The following ST6GALNAC4 variants were observed in gnomAD, a reference collection of about 807,000 sequenced individuals.
ST6GALNAC4 encodes ST6 N-acetylgalactosaminide alpha-2,6-sialyltransferase 4.
Under a neutral mutation model 30.4 loss-of-function variants are expected in ST6GALNAC4, and 24 were observed. The observed-to-expected ratio is 0.79, with a 90% confidence interval of 0.57 to 1.11. The LOEUF (loss-of-function observed/expected upper bound fraction) is 1.11, where lower values mean the gene tolerates loss of function less well. Among genes scored for constraint, ST6GALNAC4 ranks in the 50% most tolerant of loss-of-function variants. ST6GALNAC4 has a pLI of 0.00. For missense variants in ST6GALNAC4, 365 were observed against 430.1 expected (o/e 0.85, Z 1.34); for synonymous variants, 156 against 179.7 (o/e 0.87, Z 1.05).
intron 4 of ST6GALNAC4, among the ~76,000 whole-genome samples, chr9:127,910,895 C>A (rs1328532157): frequency 6.6e-6 from 1 of 152,160 alleles, no homozygotes; most frequent in Admixed American, 6.6e-5. Flanking sequence ...AGGGTGACAC[C>A]TGCTGCCAAG....
intron 5 of ST6GALNAC4, among the ~76,000 whole-genome samples, chr9:127,909,367 C>T (rs1056653350): frequency 3.5e-5 from 5 of 144,800 alleles, no homozygotes; most frequent in African/African-American, 1.3e-4. Flanking sequence ...CCAGCCTGGG[C>T]AACAAGAGCA....
intron 3 of ST6GALNAC4, among the ~76,000 whole-genome samples, chr9:127,913,648 G>A (rs1018450726): frequency 8.6e-5 from 13 of 151,776 alleles, no homozygotes; most frequent in African/African-American, 3.2e-4. Context: ...ACAACATCTG[G>A]CCGGGCACGG....
chr9:127,909,072 C>T (rs566467959), intron 5 of ST6GALNAC4, among the ~76,000 whole-genome samples: 19 of 152,096 alleles, frequency 1.2e-4, no homozygotes, highest in Non-Finnish European at 2.5e-4. Context: ...GTTGTGAACT[C>T]GTTAGTTTCC....
rs1281135918 is a variant in ST6GALNAC4, at chr9:127,910,034, G to A, written c.636C>T (p.Ser212=). 3.1e-6 allele frequency: 5 copies of A among 1,613,512 alleles called. No homozygotes were observed. The highest frequency in any genetic ancestry group is 4.5e-5 in the East Asian group (2 of 44,888). ...KNRRQSGSFL[S]TGWFTMILAL... is the part of the protein sequence containing the mutation. ...CGAGGATCATGGTGAACCAGCCGGT[G>A]CTGAGGAAGGAGCCCGACTGCCTCC... The change falls in exon 5 of 6, where the codon AGC becomes AGT. Residue 212 remains serine, a synonymous_variant. Coordinates refer to ENST00000335791, the MANE Select transcript of ST6GALNAC4 (RefSeq NM_175039.4).
intron 2 of ST6GALNAC4, 118 bp downstream of exon 2, chr9:127,916,290 T>C: frequency 1.4e-6 from 2 of 1,400,032 alleles, no homozygotes. Context: ...TCTGCCCTTC[T>C]CTGCTCAGCA....
intron 1 of ST6GALNAC4, 58 bp downstream of exon 1, chr9:127,916,768 C>T: frequency 2.2e-6 from 1 of 453,972 alleles, no homozygotes; most frequent in East Asian, 4.1e-5. Context: ...TCAAGGTCAC[C>T]CATCAGGTCT....
rs565883450 is a variant in ST6GALNAC4 at position 127,912,489 on chromosome 9, C to T, written c.390G>A (p.Pro130=). Reference sequence around the variant, plus strand: ...AGTGTGAATAGTTGCGCAGCAGCAGCGGCACGCTTGTGTGTGAGACGACAC... The same window carrying T: ...AGTGTGAATAGTTGCGCAGCAGCAGTGGCACGCTTGTGTGTGAGACGACAC... ...TLRVVSHTSV[P]LLLRNYSHYF... Residue 130 remains proline (P), a synonymous_variant, in exon 4 of 6, where the codon CCG becomes CCA. Transcript: ENST00000335791. The T allele has an allele frequency of 1.3e-5, 21 of 1,613,862 alleles. No individual in the cohort carries two copies. Among genetic ancestry groups the T allele is most frequent in the Non-Finnish European group, 1.6e-5 (19 of 1,179,834 alleles).
At chr9:127,912,194 G>A (rs1164066265) in intron 4 of ST6GALNAC4, 74 bp downstream of exon 4, 3 of 1,534,484 alleles carry the variant, frequency 2.0e-6, no homozygotes, top group Non-Finnish European at 2.6e-6. Context: ...AGCAGCCCCT[G>A]ATGGACAAGA....
intron 1 of ST6GALNAC4, 121 bp downstream of exon 1, chr9:127,916,705 C>T: frequency 1.8e-6 from 1 of 556,202 alleles, no homozygotes. Context: ...CCTGCCAACC[C>T]AATTCCCAGT....
At chr9:127,913,542 G>A (rs1277501991) in intron 3 of ST6GALNAC4, among the ~76,000 whole-genome samples, 3 of 152,156 alleles carry the variant, frequency 2.0e-5, no homozygotes, top group Non-Finnish European at 2.9e-5. Flanking sequence ...CCGAGATTGC[G>A]CCACTGTACT....
At position 127,912,558 on chromosome 9, in the gene ST6GALNAC4, G is replaced by A. The variant is rs1831102013; in HGVS notation, c.321C>T (p.Pro107=). 5 of 1,613,006 alleles carry A rather than the reference G, an allele frequency of 3.1e-6. No individual in the cohort carries two copies. Among genetic ancestry groups the A allele is most frequent in the Non-Finnish European group, 3.4e-6 (4 of 1,179,902 alleles). Residue 107 remains proline, a synonymous_variant, in exon 4 of 6, where the codon CCC becomes CCT. Coordinates refer to ENST00000335791, the MANE Select transcript of ST6GALNAC4 (RefSeq NM_175039.4). ...CCACATCCGCCTCAAAGCCCACGGT[G>A]GGCGCCTGGTTCATGCGGAACACGC... ...AECVFRMNQA[P]TVGFEADVGQ...
rs1043745320 is a variant in ST6GALNAC4 at position 127,915,951 on chromosome 9, A to C, written c.12+457T>G. On this transcript the variant is annotated intron_variant, in intron 2 of 5. Transcript: ENST00000335791. ...CAAGCTACGTCAGCTTCTAAAAATA[A>C]GTCTTTTCTGTGTGGCCAGCTGTGC... 1.7e-5 allele frequency: 3 copies of C among 174,704 alleles called. No individual in the cohort carries two copies. In the Admixed American group the frequency reaches 1.8e-4, roughly 10 times the overall value. The allele number at this position is 174,704 out of a possible 1,614,324, so 10.8% of individuals were successfully genotyped here. A position where few individuals can be genotyped will look rare whatever the true frequency, so the allele number is the denominator to read the frequency against.
chr9:127,910,228 G>T (rs1384471327), intron 4 of ST6GALNAC4, 170 bp from the exon 5 acceptor site: 1 of 1,415,538 alleles, frequency 7.1e-7, no homozygotes, highest in African/African-American at 1.4e-5. Flanking sequence ...GGCCAGCAGT[G>T]GGTGACAGGC....
At chr9:127,908,852 C>A (rs1831003753) in intron 5 of ST6GALNAC4, among the ~76,000 whole-genome samples, 3 of 152,282 alleles carry the variant, frequency 2.0e-5, no homozygotes, top group South Asian at 2.1e-4. Flanking sequence ...ATGGTCACAT[C>A]CGCCTTCCAG....
chr9:127,912,223 G>A (rs147508246), intron 4 of ST6GALNAC4, 45 bp downstream of exon 4: 38,064 of 1,564,208 alleles, frequency 0.024, 557 homozygotes, highest in South Asian at 0.038. Context: ...GAGAAGGAAG[G>A]CCCCAGCTGC....
intron 4 of ST6GALNAC4, 76 bp from the exon 5 acceptor site, chr9:127,910,134 G>T: frequency 6.5e-7 from 1 of 1,549,944 alleles, no homozygotes. Flanking sequence ...GCAGCACTTG[G>T]TACTTTGCCA....
At position 127,916,478 on chromosome 9, in the gene ST6GALNAC4, G is replaced by A; in HGVS notation, c.-59C>T. ...TGTCTCCAGGGCTGGGGCTGGGAAG[G>A]GGTGGGAGCCGGGCACCTGCCAAGA... On this transcript the variant is annotated 5_prime_UTR_variant, in exon 2 of 6. Transcript: ENST00000335791. 1 of 1,610,316 alleles carries A rather than the reference G, an allele frequency of 6.2e-7. No homozygotes were observed. The highest frequency in any genetic ancestry group is 1.3e-5 in the African/African-American group (1 of 74,982).
chr9:127,909,216 C>G (rs540080104), intron 5 of ST6GALNAC4, among the ~76,000 whole-genome samples: 6 of 151,934 alleles, frequency 3.9e-5, no homozygotes, highest in Admixed American at 2.6e-4. Context: ...GATGAAACCC[C>G]GTCTCTACTA....
chr9:127,916,704 C>A, intron 1 of ST6GALNAC4, 122 bp downstream of exon 1: 1 of 556,494 alleles, frequency 1.8e-6, no homozygotes, highest in Non-Finnish European at 3.2e-6. Context: ...TCCTGCCAAC[C>A]CAATTCCCAG....
Sources: allele counts gnomAD v4.1 joint callset (sites outside exome capture counted in the v4.1 genomes callset), GRCh38; gene constraint gnomAD v4.1.1; transcripts MANE v1.5; gene names NCBI Gene and HGNC (gene_info 2026-07-23, HGNC 2026-07-21).